The following ADCY9 variants were observed in gnomAD, a reference collection of about 807,000 sequenced individuals.
ADCY9 encodes the protein adenylate cyclase 9.
A neutral mutation model predicts 101.5 loss-of-function variants in ADCY9; 50 were observed. The observed-to-expected ratio is 0.49, with a 90% CI of 0.39 to 0.62. The LOEUF is 0.62. Among genes scored for constraint, ADCY9 ranks in the 20% least tolerant of loss-of-function variants. ADCY9 has a pLI of 0.00. For missense variants in ADCY9, 1,662 were observed against 1,800.4 expected, an observed-to-expected ratio of 0.92 and a Z score of 1.39; for synonymous variants, 905 against 769.3, an observed-to-expected ratio of 1.18 and a Z score of -2.92.
chr16:4,069,416 G>A (rs549092164), intron 2 of ADCY9, among the ~76,000 whole-genome samples: 8 of 151,930 alleles, frequency 5.3e-5, no homozygotes, highest in Admixed American at 2.0e-4. Context: ...TCTACTTCTC[G>A]GGGGAGCCGT....
chr16:3,989,278 C>T (rs1057480904), intron 5 of ADCY9, among the ~76,000 whole-genome samples, 182 bp from the exon 6 acceptor site: 8 of 152,184 alleles, frequency 5.3e-5, no homozygotes, highest in Non-Finnish European at 1.0e-4. Flanking sequence ...GTGGAAAGTC[C>T]TTCGCACCTC....
At position 4,021,682 on chromosome 16, in the gene ADCY9, G is replaced by C. The variant is rs189917882; in HGVS notation, c.1694-14124C>G. On this transcript the variant is annotated intron_variant, in intron 2 of 10. Transcript: ENST00000294016. The stretch of plus-strand genomic sequence containing the variant: ...CTGAGACTTCCTGACACAAATGGAG[G>C]TGACAATATTCGTTCCCCCATCATA... Among the ~76,000 whole-genome samples, 9 of 152,340 alleles carry C rather than the reference G, an allele frequency of 5.9e-5. No homozygotes were observed. In the East Asian group the frequency reaches 9.7e-4, roughly 16 times the overall value.
intron 5 of ADCY9, among the ~76,000 whole-genome samples, chr16:3,956,348 T>TA (rs1239170244): frequency 6.6e-6 from 1 of 152,136 alleles, no homozygotes; most frequent in Admixed American, 6.6e-5. Flanking sequence ...TAATGGCTTT[T>TA]AAAAAACTAC....
chr16:3,991,051 C>T (rs913847524), intron 5 of ADCY9, among the ~76,000 whole-genome samples: 2 of 152,170 alleles, frequency 1.3e-5, no homozygotes, highest in Non-Finnish European at 2.9e-5. Context: ...CTACCTGCCT[C>T]GGCCTCCCAA....
intron 10 of ADCY9, among the ~76,000 whole-genome samples, chr16:3,974,170 T>C (rs1254283266): frequency 6.6e-6 from 1 of 152,174 alleles, no homozygotes; most frequent in East Asian, 1.9e-4. Flanking sequence ...GCCTCCTGAG[T>C]AGCTGGGACT....
chr16:4,050,679 T>C (rs528157406), intron 2 of ADCY9, among the ~76,000 whole-genome samples: 72 of 119,132 alleles, frequency 6.0e-4, no homozygotes, highest in African/African-American at 2.3e-3. Context: ...TGCCACTGCA[T>C]GCCAGTCTTG....
intron 2 of ADCY9, among the ~76,000 whole-genome samples, chr16:4,012,759 C>G (rs2056412668): frequency 6.6e-6 from 1 of 152,174 alleles, no homozygotes; most frequent in South Asian, 2.1e-4. Context: ...AAAACTAAAA[C>G]TGCACTTTGC....
intron 2 of ADCY9, among the ~76,000 whole-genome samples, chr16:4,025,199 A>G (rs2056506238): frequency 6.6e-6 from 1 of 152,024 alleles, no homozygotes; most frequent in Non-Finnish European, 1.5e-5. Context: ...CCCCGTCTCT[A>G]TTAAAAAATA....
intron 2 of ADCY9, among the ~76,000 whole-genome samples, chr16:4,028,843 G>A (rs1244360129): frequency 1.3e-5 from 2 of 151,586 alleles, no homozygotes; most frequent in Non-Finnish European, 2.9e-5. Context: ...AGAGTGCAGT[G>A]GCGCGATCTC....
Position 3,992,506 on chromosome 16 carries a change from C to G in ADCY9, c.1990-143G>C. ...TTTCTGACCTGCGAGGAACCCCCAC[C>G]CCCCTGCGCCTACAGACCTGCTCCA... On this transcript the variant is annotated intron_variant, in intron 4 of 10. Transcript: ENST00000294016. This position sits in a 1 kb window ranked among gnomAD's most constrained non-coding sequence, Gnocchi z 4.2. 1.4e-6 allele frequency: 1 copy of G among 718,250 alleles called. No homozygotes were observed. 44.5% of individuals were successfully genotyped at this position (718,250 alleles called of 1,614,324 possible). A position where few individuals can be genotyped will look rare whatever the true frequency, so the allele number is the denominator to read the frequency against.
In ADCY9 at chr16:4,011,791, G is replaced by A. The variant is rs567448189; in HGVS notation, c.1694-4233C>T. 2.3e-4 allele frequency among the ~76,000 whole-genome samples: 35 copies of A among 151,056 alleles called. No homozygotes were observed. In the East Asian group the frequency reaches 6.3e-3, roughly 27 times the overall value. On this transcript the variant is annotated intron_variant, in intron 2 of 10. Transcript: ENST00000294016. ...AGCAGGGCTAGTGAGCTGTTTCATC[G>A]CTGCCTCTCAGTTTCCTCATCTCTA...
chr16:3,967,082 T>C, intron 10 of ADCY9, 116 bp from the exon 11 acceptor site: 1 of 808,312 alleles, frequency 1.2e-6, no homozygotes, highest in South Asian at 1.8e-5. Flanking sequence ...AACCTGAAGC[T>C]GTCAAGCTGC....
chr16:4,075,190 G>A (rs1466144055), intron 2 of ADCY9, among the ~76,000 whole-genome samples: 2 of 152,304 alleles, frequency 1.3e-5, no homozygotes, highest in South Asian at 4.1e-4. Flanking sequence ...TATATATGGA[G>A]TGCAGTGGCA....
Position 4,115,085 on chromosome 16 carries a change from G to C in ADCY9, c.358C>G (p.Leu120Val), listed in dbSNP as rs376968312. 6.2e-6 allele frequency: 10 copies of C among 1,613,892 alleles called. No individual in the cohort carries two copies. The African/African-American group carries it at 1.2e-4, about 19-fold the overall frequency. The change falls in exon 2 of 11, where the codon CTC becomes GTC. Residue 120 changes from leucine to valine, a missense_variant. Transcript: ENST00000294016. The surrounding 1 kb of genome is among the most constrained non-coding windows in gnomAD (Gnocchi z 6.2). The part of the protein sequence containing the change: ...PQTQRRFRYA[L>V]FYIGFACLLW... Reference sequence around the variant, plus strand: ...AGGCAGGCGAAGCCGATGTAGAAGAGCGCATACCGGAACCGGCGCTGGGTC... The same window carrying C: ...AGGCAGGCGAAGCCGATGTAGAAGACCGCATACCGGAACCGGCGCTGGGTC...
At chr16:4,012,054 TA>T (rs1286012231) in intron 2 of ADCY9, among the ~76,000 whole-genome samples, 1 of 152,252 alleles carries the variant, frequency 6.6e-6, no homozygotes, top group African/African-American at 2.4e-5. Flanking sequence ...GCAAAACTGT[TA>T]AATCAATAAT....
At chr16:3,956,851 A>G (rs936437392) in intron 5 of ADCY9, among the ~76,000 whole-genome samples, 3 of 151,928 alleles carry the variant, frequency 2.0e-5, no homozygotes, top group Admixed American at 6.6e-5. Context: ...CCTCTCCCCT[A>G]TGACCATTTG....
intron 2 of ADCY9, among the ~76,000 whole-genome samples, chr16:4,042,857 T>TG (rs2056636583): frequency 6.6e-6 from 1 of 152,250 alleles, no homozygotes; most frequent in African/African-American, 2.4e-5. Flanking sequence ...TTTGGTCTGC[T>TG]AACTTATCAA....
chr16:4,030,513 C>A (rs1271263520), intron 2 of ADCY9, among the ~76,000 whole-genome samples: 1 of 151,994 alleles, frequency 6.6e-6, no homozygotes, highest in East Asian at 1.9e-4. Flanking sequence ...ACCAACCTGG[C>A]CAACATGGTG....
At chr16:4,069,133 G>A (rs1249337554) in intron 2 of ADCY9, among the ~76,000 whole-genome samples, 3 of 152,244 alleles carry the variant, frequency 2.0e-5, no homozygotes, top group South Asian at 2.1e-4. Context: ...TCTGCAATTC[G>A]TAGTCCCACC....
Sources: gnomAD v4.1 joint callset for allele counts (sites outside exome capture counted in the v4.1 genomes callset) on GRCh38, gnomAD v4.1.1 for gene constraint, Gnocchi (gnomAD v3.1) non-coding constraint, MANE v1.5 for transcripts, NCBI Gene and HGNC (gene_info 2026-07-23, HGNC 2026-07-21) for gene names.